ALCAM: variants seen among roughly 807,000 people sequenced by gnomAD.
ALCAM encodes CD166 antigen.
A neutral mutation model predicts 70.9 loss-of-function variants in ALCAM; 30 were observed. That is an observed-to-expected ratio of 0.42 (90% confidence interval 0.32 to 0.57). The LOEUF (loss-of-function observed/expected upper bound fraction) is 0.57. Among genes scored for constraint, ALCAM ranks in the 20% least tolerant of loss-of-function variants. The probability of loss-of-function intolerance (pLI) is 0.11; values close to 1 mark genes in which losing one functional copy is unlikely to be tolerated. For missense variants in ALCAM, 591 were observed against 695.1 expected (o/e 0.85, Z 1.68); for synonymous variants, 249 against 242.5 (o/e 1.03, Z -0.25).
chr3:105,410,026 G>T (rs1177481891), intron 1 of ALCAM, among the ~76,000 whole-genome samples: 1 of 151,980 alleles, frequency 6.6e-6, no homozygotes, highest in Non-Finnish European at 1.5e-5. Flanking sequence ...TTACATTAGG[G>T]TTCACGCTTG....
intron 1 of ALCAM, among the ~76,000 whole-genome samples, chr3:105,497,559 G>A (rs1299847887): frequency 6.6e-6 from 1 of 152,028 alleles, no homozygotes; most frequent in Non-Finnish European, 1.5e-5. Flanking sequence ...ATTCCTCATG[G>A]CATAATAAAC....
intron 14 of ALCAM, among the ~76,000 whole-genome samples, chr3:105,564,124 A>G (rs976228497): frequency 6.6e-6 from 1 of 152,020 alleles, no homozygotes; most frequent in African/African-American, 2.4e-5. Context: ...AAAAAAAAAA[A>G]CTTGTTGGGG....
chr3:105,498,076 A>T (rs1050373919), intron 1 of ALCAM, among the ~76,000 whole-genome samples: 1 of 151,576 alleles, frequency 6.6e-6, no homozygotes, highest in African/African-American at 2.4e-5. Flanking sequence ...TTTGTGAAGC[A>T]CCCACCATGT....
intron 1 of ALCAM, among the ~76,000 whole-genome samples, chr3:105,511,067 C>T (rs6770045): frequency 0.23 from 35,492 of 151,918 alleles, 4,349 homozygotes; most frequent in East Asian, 0.36. Flanking sequence ...TTATCTTGTT[C>T]TTTTTCCCAT....
At chr3:105,371,829 T>C (rs1935241096) in intron 1 of ALCAM, among the ~76,000 whole-genome samples, 1 of 152,152 alleles carries the variant, frequency 6.6e-6, no homozygotes, top group Non-Finnish European at 1.5e-5. Flanking sequence ...ATAGCTATGA[T>C]AGAAGAATAT....
chr3:105,573,545 A>T (rs9862725), intron 15 of ALCAM, among the ~76,000 whole-genome samples: 12,520 of 152,248 alleles, frequency 0.082, 657 homozygotes, highest in Non-Finnish European at 0.12. Context: ...GAGGCATATG[A>T]CTGTTATATT....
In ALCAM at chr3:105,507,904, C is replaced by T. The variant is rs145350022; in HGVS notation, c.74-12163C>T. Among the ~76,000 whole-genome samples, 655 of 152,208 alleles carry T rather than the reference C, an allele frequency of 4.3e-3. 7 individuals are homozygous for T. The highest frequency in any genetic ancestry group is 0.015 in the African/African-American group (618 of 41,524). ...TGGAGGTCTACTGTGCTACCCCTGC[C>T]GTTTTTGGTGTTAGAAATGCATATA... On this transcript the variant is annotated intron_variant, in intron 1 of 15. Coordinates refer to ENST00000306107, the MANE Select transcript of ALCAM (RefSeq NM_001627.4).
Position 105,575,143 on chromosome 3 carries a change from T to A in ALCAM, c.*692T>A, listed in dbSNP as rs1021379042. The A allele has an allele frequency of 1.3e-5, 2 of 152,578 alleles. No homozygotes were observed. The highest frequency in any genetic ancestry group is 2.9e-5 in the Non-Finnish European group (2 of 68,034). The allele number at this position is 152,578 out of a possible 1,614,324, so 9.5% of individuals were successfully genotyped here. A position where few individuals can be genotyped will look rare whatever the true frequency, so the allele number is the denominator to read the frequency against. Reference sequence around the variant, plus strand: ...TAATGGTACTCCCAAACTGACAATTTTACCTATTCTGAAAAAGACATAAAA... The same window carrying A: ...TAATGGTACTCCCAAACTGACAATTATACCTATTCTGAAAAAGACATAAAA... On this transcript the variant is annotated 3_prime_UTR_variant, in exon 16 of 16. Coordinates refer to ENST00000306107, the MANE Select transcript of ALCAM (RefSeq NM_001627.4).
chr3:105,478,459 G>A (rs1022931366), intron 1 of ALCAM, among the ~76,000 whole-genome samples: 10 of 152,040 alleles, frequency 6.6e-5, no homozygotes, highest in Non-Finnish European at 1.5e-4. Flanking sequence ...TCTCAAGTCA[G>A]AAAGTCAAGA....
intron 1 of ALCAM, among the ~76,000 whole-genome samples, chr3:105,368,253 GAGAGAGAGAGAA>G (rs1469847848): frequency 4.8e-5 from 7 of 146,472 alleles, no homozygotes; most frequent in Non-Finnish European, 9.3e-5. Context: ...GAGAGAGAGA[GAGAGAGAGAGAA>G]AAGGCAAAAT....
intron 3 of ALCAM, chr3:105,524,972 C>A: frequency 1.0e-6 from 1 of 982,366 alleles, no homozygotes; most frequent in Non-Finnish European, 1.2e-6. Flanking sequence ...TATATTTTAA[C>A]AGAGGTATAA....
At chr3:105,508,701 T>G (rs1226223206) in intron 1 of ALCAM, among the ~76,000 whole-genome samples, 1 of 152,166 alleles carries the variant, frequency 6.6e-6, no homozygotes, top group African/African-American at 2.4e-5. Flanking sequence ...CATATCACTC[T>G]CCTCACATAG....
At chr3:105,537,585 TA>T (rs1940003824) in intron 6 of ALCAM, among the ~76,000 whole-genome samples, 1 of 152,080 alleles carries the variant, frequency 6.6e-6, no homozygotes, top group Non-Finnish European at 1.5e-5. Context: ...TTCTGTAGAG[TA>T]ATACTTACAT....
intron 1 of ALCAM, among the ~76,000 whole-genome samples, chr3:105,469,868 T>C (rs1243961765): frequency 6.6e-6 from 1 of 150,924 alleles, no homozygotes; most frequent in Non-Finnish European, 1.5e-5. Flanking sequence ...CTGTTCTAGC[T>C]GACAGTGCAA....
chr3:105,510,772 T>G (rs1010450900), intron 1 of ALCAM, among the ~76,000 whole-genome samples: 1 of 152,060 alleles, frequency 6.6e-6, no homozygotes. Context: ...GTGTTTTTGT[T>G]TATGTTTTAC....
chr3:105,443,589 A>G (rs536154799), intron 1 of ALCAM, among the ~76,000 whole-genome samples: 1 of 152,338 alleles, frequency 6.6e-6, no homozygotes, highest in East Asian at 1.9e-4. Context: ...CCAGTAAAAT[A>G]TATATCTAAT....
At chr3:105,501,684 G>A (rs1938926748) in intron 1 of ALCAM, among the ~76,000 whole-genome samples, 2 of 152,072 alleles carry the variant, frequency 1.3e-5, no homozygotes, top group Non-Finnish European at 2.9e-5. Context: ...TAGTAATTAA[G>A]ATGAATAATA....
chr3:105,370,830 T>A (rs992004979), intron 1 of ALCAM, among the ~76,000 whole-genome samples: 3 of 152,060 alleles, frequency 2.0e-5, no homozygotes, highest in Non-Finnish European at 4.4e-5. Context: ...GCCCTGCTAG[T>A]GTAACTCATC....
rs557207887 is a variant in ALCAM at position 105,434,933 on chromosome 3, T to C, written c.73+67452T>C. Among the ~76,000 whole-genome samples, 10 of 152,264 alleles carry C rather than the reference T, an allele frequency of 6.6e-5. No individual in the cohort carries two copies. In the South Asian group the frequency reaches 2.1e-3, roughly 31 times the overall value. On this transcript the variant is annotated intron_variant, in intron 1 of 15. Transcript: ENST00000306107. ...TAAACTTAATATTTTAAAATCCTTA[T>C]ATATGTGATTTAAGAGCAAGCCTCT...
Sources: allele counts gnomAD v4.1 joint callset (sites outside exome capture counted in the v4.1 genomes callset), GRCh38; gene constraint gnomAD v4.1.1; transcripts MANE v1.5; gene names NCBI Gene and HGNC (gene_info 2026-07-23, HGNC 2026-07-21).